The following ZNF385D variants were observed in gnomAD, a reference collection of about 807,000 sequenced individuals.
ZNF385D encodes the protein zinc finger protein 385D.
A neutral mutation model predicts 35.8 loss-of-function variants in ZNF385D; 15 were observed. The ratio of observed to expected loss-of-function variants is 0.42; its 90% CI spans 0.28 to 0.64. The LOEUF (loss-of-function observed/expected upper bound fraction) is 0.64, where lower values mean the gene tolerates loss of function less well. Among genes scored for constraint, ZNF385D ranks in the 30% least tolerant of loss-of-function variants. The pLI is 0.23. For synonymous variants in ZNF385D, 212 were observed against 186.8 expected, an observed-to-expected ratio of 1.13 and a Z score of -1.10; for missense variants, 474 against 494.6, an observed-to-expected ratio of 0.96 and a Z score of 0.39.
intron 3 of ZNF385D, among the ~76,000 whole-genome samples, chr3:21,816,389 T>A (rs1339528234): frequency 2.6e-5 from 4 of 152,180 alleles, no homozygotes; most frequent in African/African-American, 9.7e-5. Flanking sequence ...GAAGTCAAAT[T>A]GTTCCTGTGT....
chr3:21,831,946 T>C (rs776326253), intron 3 of ZNF385D, among the ~76,000 whole-genome samples: 8 of 152,222 alleles, frequency 5.3e-5, no homozygotes, highest in Non-Finnish European at 7.4e-5. Context: ...AATGGGCTAA[T>C]AAATGTGCTT....
rs560982379 is a variant in ZNF385D at position 21,787,944 on chromosome 3, C to CAAAAAAAAAA, written c.326-122926_326-122917dup. 1.2e-3 allele frequency among the ~76,000 whole-genome samples: 88 copies of CAAAAAAAAAA among 75,374 alleles called. 6 individuals carry two copies. The highest frequency in any genetic ancestry group is 1.8e-3 in the South Asian group (3 of 1,708). 49.4% of individuals were successfully genotyped at this position (75,374 alleles called of 152,430 possible). On this transcript the variant is annotated intron_variant, in intron 3 of 5. Coordinates refer to the ZNF385D transcript ENST00000494108. The stretch of plus-strand genomic sequence containing the variant: ...GCGACAGAGCGAGACTTCGTCTCAA[C>CAAAAAAAAAA]AAAAAAAAAAAAAAAAAAAAAAAAA...
intron 3 of ZNF385D, among the ~76,000 whole-genome samples, chr3:22,161,552 A>G (rs909102210): frequency 6.6e-6 from 1 of 152,104 alleles, no homozygotes; most frequent in Non-Finnish European, 1.5e-5. Flanking sequence ...TCTCTGGAAT[A>G]TGGAAAAGTC....
chr3:22,181,590 C>G (rs1265652731), intron 2 of ZNF385D, among the ~76,000 whole-genome samples: 1 of 150,802 alleles, frequency 6.6e-6, no homozygotes, highest in Non-Finnish European at 1.5e-5. Context: ...CCCAGCTACT[C>G]TGGAGGCTGA....
At chr3:21,468,822 G>A (rs575066122) in intron 4 of ZNF385D, among the ~76,000 whole-genome samples, 7 of 152,154 alleles carry the variant, frequency 4.6e-5, no homozygotes, top group African/African-American at 4.8e-5. Flanking sequence ...CCAGCTACTC[G>A]GGAGACTGAG....
intron 3 of ZNF385D, among the ~76,000 whole-genome samples, chr3:21,951,069 C>A (rs535792892): frequency 1.8e-4 from 27 of 151,566 alleles, no homozygotes; most frequent in Non-Finnish European, 3.4e-4. Flanking sequence ...TAGTTTTTTT[C>A]TAATTCTGTG....
At chr3:21,523,167 T>C (rs759868876) in intron 3 of ZNF385D, among the ~76,000 whole-genome samples, 1 of 152,234 alleles carries the variant, frequency 6.6e-6, no homozygotes, top group African/African-American at 2.4e-5. Context: ...GATATGAATA[T>C]CCTCACTTAT....
At chr3:21,555,351 T>A (rs2062697309) in intron 3 of ZNF385D, among the ~76,000 whole-genome samples, 1 of 152,086 alleles carries the variant, frequency 6.6e-6, no homozygotes, top group Non-Finnish European at 1.5e-5. Flanking sequence ...TTTCTCCTAA[T>A]GCTATCCCTC....
At chr3:21,715,333 G>A (rs556096549) in intron 1 of ZNF385D, among the ~76,000 whole-genome samples, 41 of 151,930 alleles carry the variant, frequency 2.7e-4, no homozygotes, top group Admixed American at 2.6e-3. Flanking sequence ...CCACGTATGG[G>A]TGAGACCATG....
chr3:22,108,311 T>C (rs559818155), intron 3 of ZNF385D, among the ~76,000 whole-genome samples: 8 of 152,310 alleles, frequency 5.3e-5, no homozygotes, highest in Non-Finnish European at 1.2e-4. Context: ...TGTTCGATTT[T>C]CTTGGAAGAT....
At chr3:21,728,824 T>A in intron 1 of ZNF385D, among the ~76,000 whole-genome samples, 1 of 152,230 alleles carries the variant, frequency 6.6e-6, no homozygotes, top group East Asian at 1.9e-4. Context: ...GTCATGGCAC[T>A]TATTATATTC....
At chr3:22,089,509 T>C (rs149652104) in intron 3 of ZNF385D, among the ~76,000 whole-genome samples, 2 of 152,294 alleles carry the variant, frequency 1.3e-5, no homozygotes, top group African/African-American at 4.8e-5. Context: ...GCTCCAGCAG[T>C]GTGCATGGCT....
intron 3 of ZNF385D, among the ~76,000 whole-genome samples, chr3:21,871,088 C>T (rs1003696852): frequency 3.9e-5 from 6 of 152,196 alleles, no homozygotes; most frequent in African/African-American, 1.4e-4. Context: ...CTCCCCAACT[C>T]TGTGACCTCA....
At chr3:22,091,865 C>T (rs1044513246) in intron 3 of ZNF385D, among the ~76,000 whole-genome samples, 2 of 152,252 alleles carry the variant, frequency 1.3e-5, no homozygotes, top group East Asian at 3.9e-4. Flanking sequence ...AGGTGGTTAA[C>T]TTTACAACTT....
chr3:21,710,917 G>T (rs1481443288), intron 1 of ZNF385D, among the ~76,000 whole-genome samples: 2 of 151,602 alleles, frequency 1.3e-5, no homozygotes, highest in Non-Finnish European at 2.9e-5. Flanking sequence ...TAATAATAAA[G>T]TCACTTTTCT....
chr3:21,765,311 G>A (rs1575610423), intron 3 of ZNF385D, among the ~76,000 whole-genome samples: 1 of 151,906 alleles, frequency 6.6e-6, no homozygotes, highest in Non-Finnish European at 1.5e-5. Context: ...CAATACTGAT[G>A]GAAAAATATA....
chr3:22,339,353 C>T (rs1291168608), intron 2 of ZNF385D, among the ~76,000 whole-genome samples: 2 of 152,142 alleles, frequency 1.3e-5, no homozygotes, highest in Non-Finnish European at 2.9e-5. Context: ...TCTTTGTGAA[C>T]AAGGAAGGCC....
intron 1 of ZNF385D, among the ~76,000 whole-genome samples, chr3:21,735,092 G>T (rs1000597386): frequency 1.3e-5 from 2 of 152,148 alleles, no homozygotes; most frequent in African/African-American, 4.8e-5. Context: ...CGAGTGCAGA[G>T]ATCTACCCAC....
chr3:21,922,275 A>AG (rs1227719805), intron 3 of ZNF385D, among the ~76,000 whole-genome samples: 2 of 103,504 alleles, frequency 1.9e-5, no homozygotes, highest in East Asian at 6.2e-4. Flanking sequence ...TCACAGAATT[A>AG]GAAAAAAAAT....
Sources: allele counts gnomAD v4.1 joint callset (sites outside exome capture counted in the v4.1 genomes callset), GRCh38; gene constraint gnomAD v4.1.1; transcripts MANE v1.5; gene names NCBI Gene and HGNC (gene_info 2026-07-23, HGNC 2026-07-21).